Variants in CDH18 observed in about 807,000 individuals in gnomAD.
CDH18 encodes cadherin-18.
A neutral mutation model predicts 67.9 loss-of-function variants in CDH18; 31 were observed. The observed-to-expected ratio is 0.46, with a 90% CI of 0.34 to 0.62. The LOEUF (loss-of-function observed/expected upper bound fraction) is 0.62. Ranked by LOEUF, CDH18 falls within the 20% of genes least tolerant of loss-of-function variation. The probability of loss-of-function intolerance (pLI) is 0.01; values close to 1 mark genes in which losing one functional copy is unlikely to be tolerated. For missense variants in CDH18, 890 were observed against 975.5 expected, an observed-to-expected ratio of 0.91 and a Z score of 1.17; for synonymous variants, 362 against 347.2, an observed-to-expected ratio of 1.04 and a Z score of -0.48.
chr5:20,436,730 C>T (rs13160291), intron 1 of CDH18, among the ~76,000 whole-genome samples: 27,495 of 149,612 alleles, frequency 0.18, 3,053 homozygotes, highest in East Asian at 0.3. Context: ...AATTTTTTTG[C>T]GAATTAACTT....
intron 2 of CDH18, among the ~76,000 whole-genome samples, chr5:20,252,381 CT>C (rs1367525300): frequency 2.6e-5 from 4 of 151,594 alleles, no homozygotes; most frequent in Admixed American, 2.0e-4. Context: ...AAAAAAATCA[CT>C]CATCAAAATA....
At chr5:19,872,853 C>T (rs1050537555) in intron 2 of CDH18, among the ~76,000 whole-genome samples, 1 of 152,168 alleles carries the variant, frequency 6.6e-6, no homozygotes, top group African/African-American at 2.4e-5. Flanking sequence ...TAGAGGGCCT[C>T]TCTGGAGATG....
At chr5:20,405,790 C>G (rs1406357839) in intron 1 of CDH18, among the ~76,000 whole-genome samples, 3 of 152,192 alleles carry the variant, frequency 2.0e-5, no homozygotes, top group Non-Finnish European at 4.4e-5. Context: ...ATAGACACTT[C>G]TGAAAAGAAG....
intron 1 of CDH18, among the ~76,000 whole-genome samples, chr5:20,409,087 A>G (rs1004691289): frequency 6.6e-6 from 1 of 151,844 alleles, no homozygotes; most frequent in East Asian, 1.9e-4. Context: ...AAATTTCACA[A>G]AATTGAAGGG....
intron 2 of CDH18, among the ~76,000 whole-genome samples, chr5:20,122,601 A>G (rs926878958): frequency 1.3e-5 from 2 of 151,924 alleles, no homozygotes; most frequent in African/African-American, 4.8e-5. Context: ...AATTATTTAA[A>G]TGCCTCAACT....
intron 3 of CDH18, among the ~76,000 whole-genome samples, chr5:19,803,117 G>C (rs996640828): frequency 2.0e-4 from 31 of 152,258 alleles, no homozygotes; most frequent in African/African-American, 6.3e-4. Flanking sequence ...CCATGCCTTT[G>C]GGTACAAATA....
chr5:20,302,249 C>T (rs1382319866), intron 1 of CDH18, among the ~76,000 whole-genome samples: 7 of 152,148 alleles, frequency 4.6e-5, no homozygotes, highest in Non-Finnish European at 7.3e-5. Flanking sequence ...TTGCGACAAA[C>T]TTAAATTTGT....
rs1798983732 is a variant in CDH18, at chr5:19,981,089, C to T, written c.-286G>A. ...TCTCTCAATCTCCACTGCTGTCACTCTGCTGCAGACACCATCATCTCTCCC... is the reference window on the plus strand; with the variant it reads ...TCTCTCAATCTCCACTGCTGTCACTTTGCTGCAGACACCATCATCTCTCCC... On this transcript the variant is annotated 5_prime_UTR_variant, in exon 2 of 13. Transcript: ENST00000382275. 1 of 152,228 alleles carries T rather than the reference C, an allele frequency of 6.6e-6. No homozygotes were observed. The highest frequency in any genetic ancestry group is 1.5e-5 in the Non-Finnish European group (1 of 68,054). The allele number at this position is 152,228 out of a possible 1,614,324, so 9.4% of individuals were successfully genotyped here.
At chr5:19,541,210 C>T (rs974482439) in intron 9 of CDH18, among the ~76,000 whole-genome samples, 1 of 152,156 alleles carries the variant, frequency 6.6e-6, no homozygotes, top group Non-Finnish European at 1.5e-5. Flanking sequence ...GAGATCACAT[C>T]AGCCTGGACT....
intron 10 of CDH18, among the ~76,000 whole-genome samples, chr5:19,507,174 T>C (rs1211378421): frequency 6.6e-6 from 1 of 152,128 alleles, no homozygotes; most frequent in East Asian, 1.9e-4. Context: ...TCATTGGCCA[T>C]CAGAGAAATG....
At position 19,591,446 on chromosome 5, in the gene CDH18, T is replaced by G. The variant is rs577494202; in HGVS notation, c.812-202A>C. ...AAACTTTAAAAGGTACGTAAAATAC[T>G]TTGCATGAAAATAATTTCTATATTT... On this transcript the variant is annotated intron_variant, in intron 6 of 12. Coordinates refer to ENST00000382275, the MANE Select transcript of CDH18 (RefSeq NM_004934.5). Among the ~76,000 whole-genome samples, 3 of 152,264 alleles carry G rather than the reference T, an allele frequency of 2.0e-5. No homozygotes were observed. In the East Asian group the frequency reaches 5.8e-4, roughly 29 times the overall value.
chr5:19,831,485 A>G (rs1484432998), intron 3 of CDH18, among the ~76,000 whole-genome samples: 2 of 152,166 alleles, frequency 1.3e-5, no homozygotes, highest in Non-Finnish European at 2.9e-5. Context: ...ACAAGTAGCC[A>G]ACAAGCATGT....
Position 20,270,933 on chromosome 5 carries a change from C to T in CDH18, c.-579-15428G>A, listed in dbSNP as rs79211400. Among the ~76,000 whole-genome samples, 64 of 151,954 alleles carry T rather than the reference C, an allele frequency of 4.2e-4. No individual in the cohort carries two copies. In the East Asian group the frequency reaches 0.011, roughly 27 times the overall value. On this transcript the variant is annotated intron_variant, in intron 1 of 14. Transcript: ENST00000507958. ...TCACTTATAAGTAGGAGCTAAATGACGAAAACATGGGCCACATAGAGGGGA... is the reference window on the plus strand; with the variant it reads ...TCACTTATAAGTAGGAGCTAAATGATGAAAACATGGGCCACATAGAGGGGA...
At chr5:20,404,656 T>A (rs1746070392) in intron 1 of CDH18, among the ~76,000 whole-genome samples, 1 of 151,966 alleles carries the variant, frequency 6.6e-6, no homozygotes, top group African/African-American at 2.4e-5. Flanking sequence ...AATAGTAACA[T>A]GAAAGACCAG....
chr5:20,546,659 C>T lies in CDH18; in HGVS notation c.-580+28803G>A, dbSNP rs374943605. Among the ~76,000 whole-genome samples, 18 of 152,142 alleles carry T rather than the reference C, an allele frequency of 1.2e-4. No homozygotes were observed. The East Asian group carries it at 2.5e-3, about 21-fold the overall frequency. ...CCACTCCCAGGATCCAATTACATCC[C>T]ATCACATCCCTCCCTGGATATGTGG... On this transcript the variant is annotated intron_variant, in intron 1 of 14. Coordinates refer to the CDH18 transcript ENST00000507958.
At chr5:20,349,095 C>T (rs1740947639) in intron 1 of CDH18, among the ~76,000 whole-genome samples, 1 of 151,968 alleles carries the variant, frequency 6.6e-6, no homozygotes, top group African/African-American at 2.4e-5. Flanking sequence ...AAAGTTGATA[C>T]TTTTATAGAC....
At chr5:20,368,081 C>T (rs1316665682) in intron 1 of CDH18, among the ~76,000 whole-genome samples, 1 of 152,064 alleles carries the variant, frequency 6.6e-6, no homozygotes, top group African/African-American at 2.4e-5. Context: ...TTTGGGACTC[C>T]TGGGGTGAAA....
At chr5:20,249,211 T>C (rs965930721) in intron 2 of CDH18, among the ~76,000 whole-genome samples, 3 of 152,074 alleles carry the variant, frequency 2.0e-5, no homozygotes, top group Non-Finnish European at 4.4e-5. Context: ...TATGTGATTT[T>C]TTTAAATTAT....
chr5:20,214,095 C>T (rs183348326), intron 2 of CDH18, among the ~76,000 whole-genome samples: 5 of 151,924 alleles, frequency 3.3e-5, no homozygotes, highest in East Asian at 1.9e-4. Context: ...ACAATTACCA[C>T]GAAAAAGAAT....
Sources: allele counts gnomAD v4.1 joint callset (sites outside exome capture counted in the v4.1 genomes callset), GRCh38; gene constraint gnomAD v4.1.1; transcripts MANE v1.5; gene names NCBI Gene and HGNC (gene_info 2026-07-23, HGNC 2026-07-21).